Variants in KCNJ15 observed in about 807,000 individuals in gnomAD.
KCNJ15 encodes the protein ATP-sensitive inward rectifier potassium channel 15.
Under a neutral mutation model 23.0 loss-of-function variants are expected in KCNJ15, and 14 were observed. That is an observed-to-expected ratio of 0.61 (90% confidence interval 0.40 to 0.95). The LOEUF is 0.95. Among genes scored for constraint, KCNJ15 ranks in the 40% least tolerant of loss-of-function variants. The pLI is 0.00. For missense variants in KCNJ15, 388 were observed against 461.8 expected (o/e 0.84, Z 1.46); for synonymous variants, 185 against 183.2 (o/e 1.01, Z -0.08).
At chr21:38,298,359 T>C (rs906467583) in intron 2 of KCNJ15, 3 of 152,250 alleles carry the variant, frequency 2.0e-5, no homozygotes, top group Non-Finnish European at 4.4e-5. Flanking sequence ...AGATTTCTTC[T>C]GCTGGTTCTG....
At chr21:38,261,518 A>G (rs1982758979) in intron 1 of KCNJ15, among the ~76,000 whole-genome samples, 1 of 152,222 alleles carries the variant, frequency 6.6e-6, no homozygotes, top group Non-Finnish European at 1.5e-5. Flanking sequence ...TAAGCAAAAA[A>G]TACCTATCAT....
chr21:38,253,226 T>C (rs527586380), upstream of KCNJ15, among the ~76,000 whole-genome samples: 2 of 152,320 alleles, frequency 1.3e-5, no homozygotes, highest in Non-Finnish European at 1.5e-5. Flanking sequence ...CTTTAATAAA[T>C]TGCCTGCGCA....
chr21:38,252,234 G>T (rs1161957009), upstream of KCNJ15, among the ~76,000 whole-genome samples: 1 of 152,046 alleles, frequency 6.6e-6, no homozygotes, highest in Admixed American at 6.6e-5. Context: ...ATTTTTCCTG[G>T]AATGTCAACA....
intron 1 of KCNJ15, among the ~76,000 whole-genome samples, chr21:38,294,277 A>T (rs1013636309): frequency 6.6e-6 from 1 of 152,234 alleles, no homozygotes; most frequent in African/African-American, 2.4e-5. Context: ...AACTTTTCTT[A>T]CAAACAGGAA....
chr21:38,279,748 T>G (rs534596035), intron 1 of KCNJ15, among the ~76,000 whole-genome samples: 28 of 152,164 alleles, frequency 1.8e-4, no homozygotes, highest in Non-Finnish European at 3.8e-4. Context: ...TGGCTTTTAG[T>G]GAAAGCCATT....
At chr21:38,285,920 A>C (rs923619508) in intron 1 of KCNJ15, among the ~76,000 whole-genome samples, 1 of 152,198 alleles carries the variant, frequency 6.6e-6, no homozygotes, top group Non-Finnish European at 1.5e-5. Flanking sequence ...ATAAAGTTGC[A>C]TGTGACTGAG....
chr21:38,246,966 T>C (rs1979414629), intron 1 of KCNJ15, among the ~76,000 whole-genome samples: 1 of 152,142 alleles, frequency 6.6e-6, no homozygotes, highest in East Asian at 1.9e-4. Flanking sequence ...GGAAAAGTCA[T>C]TTAATAAAAC....
At chr21:38,278,499 T>C (rs1007738230) in intron 1 of KCNJ15, among the ~76,000 whole-genome samples, 2 of 152,194 alleles carry the variant, frequency 1.3e-5, no homozygotes, top group Admixed American at 6.5e-5. Flanking sequence ...CTAGTGGCAG[T>C]TGTTGGTTGG....
In KCNJ15 at chr21:38,304,199, A is replaced by G. The variant is rs1191798012; in HGVS notation, c.*3810A>G. ...TGTGCCATGTTGGTGTGCTGCACCC[A>G]TTAACTCGTCATTTAGCATTAGGTA... On this transcript the variant is annotated 3_prime_UTR_variant, in exon 3 of 3. Transcript: ENST00000398938. The G allele has an allele frequency of 6.6e-6, 1 of 150,570 alleles. No homozygotes were observed. Among genetic ancestry groups the G allele is most frequent in the Admixed American group, 6.6e-5 (1 of 15,160 alleles). 9.3% of individuals were successfully genotyped at this position (150,570 alleles called of 1,614,324 possible).
chr21:38,278,662 A>T (rs951913929), intron 1 of KCNJ15, among the ~76,000 whole-genome samples: 2 of 152,142 alleles, frequency 1.3e-5, no homozygotes, highest in African/African-American at 4.8e-5. Flanking sequence ...AAAGGGTAAC[A>T]CCCCAAAGGA....
chr21:38,281,103 T>C (rs1689523536), intron 1 of KCNJ15, among the ~76,000 whole-genome samples: 1 of 152,174 alleles, frequency 6.6e-6, no homozygotes, highest in Non-Finnish European at 1.5e-5. Context: ...TTTTGAATAA[T>C]AATTTGCATT....
chr21:38,253,483 C>G (rs573554024), upstream of KCNJ15, among the ~76,000 whole-genome samples: 38 of 152,252 alleles, frequency 2.5e-4, no homozygotes, highest in South Asian at 4.1e-4. Flanking sequence ...TATCATGATG[C>G]ACCTGTGGAG....
intron 2 of KCNJ15, among the ~76,000 whole-genome samples, chr21:38,297,736 G>T (rs527742713): frequency 6.6e-6 from 1 of 152,298 alleles, no homozygotes; most frequent in Non-Finnish European, 1.5e-5. Flanking sequence ...AGTGGAATTT[G>T]CTTCAAGGTA....
upstream of KCNJ15, among the ~76,000 whole-genome samples, chr21:38,252,348 C>T (rs1979896982): frequency 6.6e-6 from 1 of 152,138 alleles, no homozygotes; most frequent in South Asian, 2.1e-4. Context: ...ATTCCCCTTC[C>T]TGTGGGCTTC....
chr21:38,254,233 A>G (rs143124416), upstream of KCNJ15, among the ~76,000 whole-genome samples: 69 of 152,310 alleles, frequency 4.5e-4, no homozygotes, highest in East Asian at 3.9e-3. Flanking sequence ...AGTCACATAG[A>G]CGCGCATTTT....
chr21:38,292,320 G>A (rs1021517106), intron 1 of KCNJ15, among the ~76,000 whole-genome samples: 4 of 152,134 alleles, frequency 2.6e-5, no homozygotes, highest in African/African-American at 4.8e-5. Flanking sequence ...CTTTTAAGTT[G>A]TCCCTTCCCA....
intron 1 of KCNJ15, among the ~76,000 whole-genome samples, chr21:38,260,219 G>C (rs62221667): frequency 2.6e-5 from 4 of 152,116 alleles, no homozygotes; most frequent in African/African-American, 7.2e-5. Flanking sequence ...TGATAAAAAG[G>C]CCAGGCGAGA....
At chr21:38,253,330 A>G (rs1979966855), upstream of KCNJ15, among the ~76,000 whole-genome samples, 1 of 152,202 alleles carries the variant, frequency 6.6e-6, no homozygotes, top group Admixed American at 6.5e-5. Context: ...AGAAAGACCC[A>G]AAGGCAAGTA....
chr21:38,243,218 G>T (rs1053587912), intron 1 of KCNJ15, among the ~76,000 whole-genome samples: 21 of 151,920 alleles, frequency 1.4e-4, no homozygotes, highest in African/African-American at 4.8e-4. Context: ...TTTCTTAAGG[G>T]CAGGATTATT....
Sources: gnomAD v4.1 joint callset for allele counts (sites outside exome capture counted in the v4.1 genomes callset) on GRCh38, gnomAD v4.1.1 for gene constraint, MANE v1.5 for transcripts, NCBI Gene and HGNC (gene_info 2026-07-23, HGNC 2026-07-21) for gene names.